The following SLC22A24 variants were observed in gnomAD, a reference collection of about 807,000 sequenced individuals.
SLC22A24 encodes steroid transmembrane transporter SLC22A24.
A neutral mutation model predicts 49.8 loss-of-function variants in SLC22A24; 53 were observed. The ratio of observed to expected loss-of-function variants is 1.06; its 90% CI spans 0.85 to 1.34. The LOEUF (loss-of-function observed/expected upper bound fraction) is 1.34. Among genes scored for constraint, SLC22A24 ranks in the 40% most tolerant of loss-of-function variants. SLC22A24 has a pLI of 0.00. For missense variants in SLC22A24, 786 were observed against 675.9 expected, an observed-to-expected ratio of 1.16 and a Z score of -1.81; for synonymous variants, 302 against 256.4, an observed-to-expected ratio of 1.18 and a Z score of -1.70.
intron 4 of SLC22A24, among the ~76,000 whole-genome samples, chr11:63,104,888 A>G (rs949970412): frequency 1.3e-5 from 2 of 152,186 alleles, no homozygotes; most frequent in African/African-American, 2.4e-5. Flanking sequence ...TTTCGGCATT[A>G]GCTCAAAAGT....
rs1331053403 is a variant in SLC22A24, at chr11:63,113,115, CAT to C, written c.830+5795_830+5796del. Among the ~76,000 whole-genome samples the C allele has an allele frequency of 8.4e-3, 26 of 3,084 alleles. 6 individuals are homozygous for C. The highest frequency in any genetic ancestry group is 0.011 in the African/African-American group (25 of 2,220). 2.0% of individuals were successfully genotyped at this position (3,084 alleles called of 152,430 possible). A position where few individuals can be genotyped will look rare whatever the true frequency, so the allele number is the denominator to read the frequency against. On this transcript the variant is annotated intron_variant, in intron 4 of 9. Coordinates refer to ENST00000612278, the MANE Select transcript of SLC22A24 (RefSeq NM_001136506.2). ...ACATATATATATACATATATATACACATATATATATACATATATATATACACA... is the reference window on the plus strand; with the variant it reads ...ACATATATATATACATATATATACACATATATATACATATATATATACACA...
chr11:63,132,177 C>T (rs905993110), intron 2 of SLC22A24, among the ~76,000 whole-genome samples: 1 of 152,154 alleles, frequency 6.6e-6, no homozygotes, highest in Non-Finnish European at 1.5e-5. Context: ...TTTAGCCATT[C>T]GTCTAACCTT....
intron 5 of SLC22A24, among the ~76,000 whole-genome samples, chr11:63,098,370 A>G (rs1370859199): frequency 1.3e-5 from 2 of 152,200 alleles, no homozygotes; most frequent in Non-Finnish European, 2.9e-5. Context: ...TCCAAAATGT[A>G]TAAAAACTTC....
rs779620411 is a variant in SLC22A24, at chr11:63,118,912, C to G, written c.830G>C (p.Trp277Ser). ...TPIIVLFLSS[W>S]KMVESARWLI... ...CAAAGAATGTGGAGATTGTTCATAC[C>G]AAGAGGACAAGAAGAGGACAATTAT... The change falls in exon 4 of 10, where the codon TGG becomes TCG. Residue 277 changes from tryptophan (W) to serine (S), a missense_variant and splice_region_variant. Transcript: ENST00000612278. 42 of 1,551,788 alleles carry G rather than the reference C, an allele frequency of 2.7e-5. No homozygotes were observed. The highest frequency in any genetic ancestry group is 6.1e-6 in the Non-Finnish European group (7 of 1,147,024).
At position 63,143,599 on chromosome 11, in the gene SLC22A24, C is replaced by G; in HGVS notation, c.181G>C (p.Asp61His). The G allele has an allele frequency of 1.3e-6, 2 of 1,576,128 alleles. No homozygotes were observed. Among genetic ancestry groups the G allele is most frequent in the South Asian group, 2.4e-5 (2 of 84,122 alleles). Residue 61 changes from aspartate to histidine, a missense_variant, in exon 1 of 10, where the codon GAC becomes CAC. Transcript: ENST00000612278. ...TTGCTGAGGGTCCCGGTATCATTGTCAGACACAGTGTCATTGTCCAGGAGG... is the reference window on the plus strand; with the variant it reads ...TTGCTGAGGGTCCCGGTATCATTGTGAGACACAGTGTCATTGTCCAGGAGG... Reference protein sequence around the residue: ...VPLLDNDTVSDNDTGTLSKDD... With the variant: ...VPLLDNDTVSHNDTGTLSKDD...
intron 2 of SLC22A24, among the ~76,000 whole-genome samples, chr11:63,128,274 G>A (rs1212390404): frequency 6.6e-6 from 1 of 152,122 alleles, no homozygotes; most frequent in Non-Finnish European, 1.5e-5. Context: ...TGCCTGGACA[G>A]GGCCACCAGA....
chr11:63,132,937 T>TTACGGAGC lies in SLC22A24; in HGVS notation c.506+1720_506+1727dup, dbSNP rs1214737774. Among the ~76,000 whole-genome samples the TTACGGAGC allele has an allele frequency of 2.6e-5, 4 of 152,328 alleles. No individual in the cohort carries two copies. The East Asian group carries it at 5.8e-4, about 22-fold the overall frequency. On this transcript the variant is annotated intron_variant, in intron 2 of 9. Transcript: ENST00000612278. ...GTGGAATCTAGAGAGGCAGTAGTCC[T>TTACGGAGC]TACGGAGCTACGGTGGGCTCTGCCC...
chr11:63,107,841 A>G (rs566464971), intron 4 of SLC22A24, among the ~76,000 whole-genome samples: 32 of 152,144 alleles, frequency 2.1e-4, no homozygotes, highest in South Asian at 1.0e-3. Flanking sequence ...GGGCTGAGAC[A>G]ATGGGGTTTT....
intron 4 of SLC22A24, 43 bp from the exon 5 acceptor site, chr11:63,104,341 T>A (rs2087108046): frequency 6.6e-7 from 1 of 1,513,302 alleles, no homozygotes; most frequent in Non-Finnish European, 8.8e-7. Flanking sequence ...CAATTACTTA[T>A]TTGGCACTTA....
chr11:63,132,132 A>T (rs191488189), intron 2 of SLC22A24, among the ~76,000 whole-genome samples: 1 of 152,138 alleles, frequency 6.6e-6, no homozygotes, highest in Non-Finnish European at 1.5e-5. Context: ...AGCTCCATCC[A>T]GTCCTTTAAG....
intron 4 of SLC22A24, among the ~76,000 whole-genome samples, chr11:63,117,640 T>C (rs2087220939): frequency 6.6e-6 from 1 of 152,220 alleles, no homozygotes. Flanking sequence ...TGTATGATAA[T>C]CCATTTCCAC....
intron 1 of SLC22A24, among the ~76,000 whole-genome samples, chr11:63,135,110 C>A (rs2087364511): frequency 6.6e-6 from 1 of 152,028 alleles, no homozygotes. Flanking sequence ...ATTAAAAGCA[C>A]ATAAAAACAA....
intron 4 of SLC22A24, among the ~76,000 whole-genome samples, chr11:63,114,455 C>G (rs1371536059): frequency 6.6e-6 from 1 of 151,608 alleles, no homozygotes; most frequent in African/African-American, 2.4e-5. Flanking sequence ...TAGCCATCAT[C>G]TAATCGTTTT....
intron 5 of SLC22A24, among the ~76,000 whole-genome samples, chr11:63,101,225 A>G (rs1396864540): frequency 6.6e-6 from 1 of 152,070 alleles, no homozygotes; most frequent in East Asian, 1.9e-4. Context: ...GTAAATTAGT[A>G]CAATCACTAC....
chr11:63,143,403 G>A lies in SLC22A24; in HGVS notation c.377C>T (p.Ser126Phe). The change falls in exon 1 of 10, where the codon TCT becomes TTT. Residue 126 changes from serine to phenylalanine, a missense_variant. By Grantham distance (155) the Ser-to-Phe change is radical. Coordinates refer to ENST00000612278, the MANE Select transcript of SLC22A24 (RefSeq NM_001136506.2). ...CTCAGTCACGATGGTGGAGAGGAAAGAGCTTCTGTCGTACACCCAGCCATC... is the reference window on the plus strand; with the variant it reads ...CTCAGTCACGATGGTGGAGAGGAAAAAGCTTCTGTCGTACACCCAGCCATC... ...CVDGWVYDRS[S>F]FLSTIVTEWD... is the part of the protein sequence containing the mutation. 1 of 1,487,132 alleles carries A rather than the reference G, an allele frequency of 6.7e-7. No homozygotes were observed. Among genetic ancestry groups the A allele is most frequent in the Non-Finnish European group, 8.9e-7 (1 of 1,119,920 alleles). The allele number at this position is 1,487,132 out of a possible 1,614,324, so 92.1% of individuals were successfully genotyped here.
chr11:63,134,333 T>C (rs2087358019), intron 2 of SLC22A24, among the ~76,000 whole-genome samples: 1 of 152,124 alleles, frequency 6.6e-6, no homozygotes, highest in South Asian at 2.1e-4. Flanking sequence ...TCAAACACCC[T>C]TCCTCTCCCT....
intron 4 of SLC22A24, among the ~76,000 whole-genome samples, chr11:63,110,121 T>A (rs916059587): frequency 3.3e-5 from 5 of 151,758 alleles, no homozygotes; most frequent in African/African-American, 1.2e-4. Flanking sequence ...TCCCCATTGC[T>A]TGTTTTTGTC....
chr11:63,116,721 G>T (rs1466354735), intron 4 of SLC22A24, among the ~76,000 whole-genome samples: 1 of 152,102 alleles, frequency 6.6e-6, no homozygotes, highest in Admixed American at 6.6e-5. Flanking sequence ...ACTACAAAAT[G>T]CATATGTTGA....
chr11:63,124,873 T>C (rs1342448770), intron 2 of SLC22A24, among the ~76,000 whole-genome samples: 2 of 151,554 alleles, frequency 1.3e-5, no homozygotes, highest in Non-Finnish European at 2.9e-5. Context: ...AAACAACGCA[T>C]GTTCTCACTC....
Sources: gnomAD v4.1 joint callset for allele counts (sites outside exome capture counted in the v4.1 genomes callset) on GRCh38, gnomAD v4.1.1 for gene constraint, MANE v1.5 for transcripts, NCBI Gene and HGNC (gene_info 2026-07-23, HGNC 2026-07-21) for gene names.